The following BTNL8 variants were observed in gnomAD, a reference collection of about 807,000 sequenced individuals.
BTNL8 encodes butyrophilin like 8, also known as butyrophilin-like protein 8.
BTNL8 carries 22 observed loss-of-function variants against 36.1 expected under a neutral mutation model. The observed-to-expected ratio is 0.61, with a 90% CI of 0.44 to 0.87. BTNL8 has a LOEUF of 0.87. Among genes scored for constraint, BTNL8 ranks in the 40% least tolerant of loss-of-function variants. The pLI, the probability that BTNL8 is intolerant of heterozygous loss-of-function variation, is 0.00. For synonymous variants in BTNL8, 203 were observed against 235.6 expected (o/e 0.86, Z 1.27); for missense variants, 526 against 616.9 (o/e 0.85, Z 1.56).
rs778289052 is a variant in BTNL8, at chr5:180,950,117, G to C, written c.1076G>C (p.Arg359Pro). 1 of 1,462,800 alleles carries C rather than the reference G, an allele frequency of 6.8e-7. No individual in the cohort carries two copies. The highest frequency in any genetic ancestry group is 1.4e-5 in the African/African-American group (1 of 72,432). The allele number at this position is 1,462,800 out of a possible 1,614,324, so 90.6% of individuals were successfully genotyped here. ...AAAAGGTGGCGCGTGGGAGTGTGCC[G>C]GGATGATGTGGACAGGAGGAAGGAG... ...HNKRWRVGVC[R>P]DDVDRRKEYV... is the part of the protein sequence containing the mutation. Residue 359 changes from arginine to proline, a missense_variant, in exon 8 of 8, where the codon CGG becomes CCG. Around this residue, in one of 2 missense-constraint regions of BTNL8, gnomAD observed 176 missense variants for 292.3 expected, o/e 0.60. Coordinates refer to ENST00000340184, the MANE Select transcript of BTNL8 (RefSeq NM_001040462.3).
intron 1 of BTNL8, among the ~76,000 whole-genome samples, chr5:180,907,830 C>G (rs1049275781): frequency 2.6e-5 from 4 of 150,980 alleles, no homozygotes; most frequent in Non-Finnish European, 4.4e-5. Flanking sequence ...TTAGGCTGCT[C>G]GGGGGTCAGG....
intron 4 of BTNL8, chr5:180,947,967 A>G: frequency 1.4e-6 from 1 of 715,716 alleles, no homozygotes; most frequent in Non-Finnish European, 2.3e-6. Flanking sequence ...AGGAAGCAAA[A>G]GTGACTGACA....
chr5:180,908,119 G>T (rs1056220439), intron 1 of BTNL8, among the ~76,000 whole-genome samples: 1 of 152,230 alleles, frequency 6.6e-6, no homozygotes, highest in South Asian at 2.1e-4. Flanking sequence ...CCTCGCTGCT[G>T]CCTTGCAGTT....
intron 1 of BTNL8, among the ~76,000 whole-genome samples, chr5:180,908,160 G>T (rs1055424563): frequency 1.3e-5 from 2 of 152,158 alleles, no homozygotes; most frequent in Non-Finnish European, 2.9e-5. Context: ...AGCAATCAGC[G>T]AGACTCTGTG....
In BTNL8 at chr5:180,948,219, C is replaced by T. The variant is rs1317789014; in HGVS notation, c.788-136C>T. ...ACACTCCGTGCAGGAGCTGGGGAGA[C>T]GAGCACATATAAGTGTCCTAGGAGA... On this transcript the variant is annotated intron_variant, in intron 4 of 7. Transcript: ENST00000340184. 2.2e-5 allele frequency: 28 copies of T among 1,267,190 alleles called. 3 individuals are homozygous for T. Among genetic ancestry groups the T allele is most frequent in the Admixed American group, 7.9e-5 (4 of 50,514 alleles). The allele number at this position is 1,267,190 out of a possible 1,614,324, so 78.5% of individuals were successfully genotyped here. A position where few individuals can be genotyped will look rare whatever the true frequency, so the allele number is the denominator to read the frequency against.
intron 3 of BTNL8, among the ~76,000 whole-genome samples, chr5:180,919,888 A>C (rs1423147731): frequency 6.6e-6 from 1 of 152,226 alleles, no homozygotes. Context: ...AATGGACTAT[A>C]ACACAAATAA....
At chr5:180,924,573 C>A (rs1392646124) in intron 3 of BTNL8, among the ~76,000 whole-genome samples, 1 of 152,174 alleles carries the variant, frequency 6.6e-6, no homozygotes, top group Non-Finnish European at 1.5e-5. Flanking sequence ...AGTGGCCCAG[C>A]CCAACTAGAG....
intron 7 of BTNL8, 178 bp from the exon 8 acceptor site, chr5:180,949,726 T>C: frequency 1.3e-6 from 1 of 769,090 alleles, no homozygotes; most frequent in Admixed American, 3.2e-5. Context: ...CATTGATGAG[T>C]CCTCCAGGCT....
intron 3 of BTNL8, among the ~76,000 whole-genome samples, chr5:180,928,036 A>G (rs1758185683): frequency 6.6e-6 from 1 of 152,194 alleles, no homozygotes; most frequent in Non-Finnish European, 1.5e-5. Flanking sequence ...TAATCGTCAG[A>G]TTCACCAAGG....
intron 3 of BTNL8, among the ~76,000 whole-genome samples, chr5:180,943,130 C>CTT (rs35271643): frequency 0.038 from 3,829 of 100,558 alleles, 235 homozygotes; most frequent in Middle Eastern, 0.071. Flanking sequence ...GGAAGATAGA[C>CTT]TTTTTTTTTT....
chr5:180,921,706 C>T (rs1757872360), intron 3 of BTNL8, among the ~76,000 whole-genome samples: 1 of 150,786 alleles, frequency 6.6e-6, no homozygotes, highest in African/African-American at 2.4e-5. Flanking sequence ...GACACACACA[C>T]AATAATTGTA....
chr5:180,929,007 A>G (rs1758239154), intron 3 of BTNL8, among the ~76,000 whole-genome samples: 1 of 152,170 alleles, frequency 6.6e-6, no homozygotes, highest in African/African-American at 2.4e-5. Context: ...TCAACATAAT[A>G]TATATTCTTC....
At position 180,947,619 on chromosome 5, in the gene BTNL8, T is replaced by C; in HGVS notation, c.781T>C (p.Phe261Leu). ...IVGLKIFFSK[F>L]QWKIQAELDW... ...TGGACTGAAGATTTTCTTCTCCAAATTCCAGTGTAAGCGAGAGAGAGAAGC... is the reference window on the plus strand; with the variant it reads ...TGGACTGAAGATTTTCTTCTCCAAACTCCAGTGTAAGCGAGAGAGAGAAGC... The change falls in exon 4 of 8, where the codon TTC becomes CTC. Residue 261 changes from phenylalanine (F) to leucine (L), a missense_variant. Coordinates refer to ENST00000340184, the MANE Select transcript of BTNL8 (RefSeq NM_001040462.3). 1 of 1,614,234 alleles carries C rather than the reference T, an allele frequency of 6.2e-7. No individual in the cohort carries two copies. Among genetic ancestry groups the C allele is most frequent in the Non-Finnish European group, 8.5e-7 (1 of 1,180,034 alleles).
intron 1 of BTNL8, among the ~76,000 whole-genome samples, chr5:180,908,356 G>A (rs1288647526): frequency 8.5e-5 from 13 of 152,174 alleles, no homozygotes; most frequent in African/African-American, 2.9e-4. Context: ...GCAATGCCTC[G>A]CCCTGCTTCG....
Position 180,950,613 on chromosome 5 carries a change from C to A in BTNL8, c.*69C>A. ...CTCTCCCAGATCCAAAGTCCCGCAG[C>A]AGCCGGCCAAGGTGGCTTCCAGATG... is the stretch of plus-strand genomic sequence containing the variant. On this transcript the variant is annotated 3_prime_UTR_variant, in exon 8 of 8. Coordinates refer to ENST00000340184, the MANE Select transcript of BTNL8 (RefSeq NM_001040462.3). 1 of 1,398,564 alleles carries A rather than the reference C, an allele frequency of 7.2e-7. No individual in the cohort carries two copies. The highest frequency in any genetic ancestry group is 9.8e-7 in the Non-Finnish European group (1 of 1,021,200). 86.6% of individuals were successfully genotyped at this position (1,398,564 alleles called of 1,614,324 possible).
chr5:180,947,811 C>T lies in BTNL8; in HGVS notation c.787+186C>T, dbSNP rs757282227. On this transcript the variant is annotated intron_variant, in intron 4 of 7. Coordinates refer to ENST00000340184, the MANE Select transcript of BTNL8 (RefSeq NM_001040462.3). ...TCTCTTCCTCTGGAAATATCAACTA[C>T]GACAGCCCCTTGCTACTTCATTTAG... 3.5e-5 allele frequency: 55 copies of T among 1,575,972 alleles called. 1 individual carries two copies. The highest frequency in any genetic ancestry group is 2.0e-4 in the East Asian group (9 of 44,488).
Position 180,935,164 on chromosome 5 carries a change from A to G in BTNL8, c.674-12348A>G, listed in dbSNP as rs1307676783. 6.6e-6 allele frequency among the ~76,000 whole-genome samples: 1 copy of G among 152,114 alleles called. No individual in the cohort carries two copies. Among genetic ancestry groups the G allele is most frequent in the African/African-American group, 2.4e-5 (1 of 41,414 alleles). On this transcript the variant is annotated intron_variant, in intron 3 of 7. Coordinates refer to ENST00000340184, the MANE Select transcript of BTNL8 (RefSeq NM_001040462.3). This position sits in a 1 kb window ranked among gnomAD's most constrained non-coding sequence, Gnocchi z 4.8. ...TCATGGATGGCCATGGGTGGCTGGGAAAAAGCACCATAAATTCTGACTCCA... is the reference window on the plus strand; with the variant it reads ...TCATGGATGGCCATGGGTGGCTGGGGAAAAGCACCATAAATTCTGACTCCA...
intron 1 of BTNL8, among the ~76,000 whole-genome samples, chr5:180,902,081 C>T (rs968271207): frequency 3.9e-5 from 6 of 152,108 alleles, no homozygotes; most frequent in African/African-American, 9.7e-5. Flanking sequence ...GAAACCTTAA[C>T]GAATTGCCGC....
intron 2 of BTNL8, 139 bp from the exon 3 acceptor site, chr5:180,911,200 T>C: frequency 7.4e-7 from 1 of 1,345,432 alleles, no homozygotes; most frequent in African/African-American, 1.5e-5. Context: ...GGGAAGGCTT[T>C]TGCCAAAGGT....
Sources: gnomAD v4.1 joint callset for allele counts (sites outside exome capture counted in the v4.1 genomes callset) on GRCh38, gnomAD v4.1.1 for gene constraint, gnomAD v4.1.1 regional missense constraint, Gnocchi (gnomAD v3.1) non-coding constraint, MANE v1.5 for transcripts, NCBI Gene and HGNC (gene_info 2026-07-23, HGNC 2026-07-21) for gene names.